Variants in SUGCT observed in about 807,000 individuals in gnomAD.
The protein encoded by SUGCT is succinyl-CoA:glutarate-CoA transferase, also known as succinyl-CoA:glutarate CoA-transferase.
Under a neutral mutation model 55.0 loss-of-function variants are expected in SUGCT, and 41 were observed. The ratio of observed to expected loss-of-function variants is 0.74; its 90% CI spans 0.58 to 0.97. The LOEUF (loss-of-function observed/expected upper bound fraction) is 0.97. Among genes scored for constraint, SUGCT ranks in the 50% least tolerant of loss-of-function variants. The probability of loss-of-function intolerance (pLI) is 0.00; values close to 1 mark genes in which losing one functional copy is unlikely to be tolerated. For synonymous variants in SUGCT, 187 were observed against 200.4 expected (o/e 0.93, Z 0.56); for missense variants, 568 against 547.8 (o/e 1.04, Z -0.37).
chr7:40,404,169 A>C (rs1786234688), intron 9 of SUGCT, among the ~76,000 whole-genome samples: 1 of 152,180 alleles, frequency 6.6e-6, no homozygotes, highest in Admixed American at 6.5e-5. Flanking sequence ...GGACCTCAGG[A>C]AACTCCACTT....
chr7:40,500,753 G>A (rs564102510), intron 12 of SUGCT, among the ~76,000 whole-genome samples: 1 of 152,030 alleles, frequency 6.6e-6, no homozygotes, highest in Admixed American at 6.6e-5. Flanking sequence ...GCACATTTTG[G>A]CAAAATATCT....
intron 10 of SUGCT, among the ~76,000 whole-genome samples, chr7:40,451,006 G>T (rs1035896547): frequency 6.6e-6 from 1 of 152,142 alleles, no homozygotes; most frequent in Non-Finnish European, 1.5e-5. Flanking sequence ...CTTTTAAATG[G>T]TGACTCTGAG....
chr7:40,910,644 A>AGATCTTTGCTGACCG, the SUGCT span, among the ~76,000 whole-genome samples: 2 of 152,134 alleles, frequency 1.3e-5, no homozygotes, highest in Admixed American at 6.5e-5. Flanking sequence ...TGACTTTGGA[A>AGATCTTTGCTGACCG]GATCCGGTCA....
chr7:40,341,333 G>C (rs2151177252), intron 9 of SUGCT, among the ~76,000 whole-genome samples: 1 of 152,310 alleles, frequency 6.6e-6, no homozygotes, highest in East Asian at 1.9e-4. Flanking sequence ...CTTTCAAGGA[G>C]TCAAAAAGTT....
chr7:40,207,376 G>T (rs191415696), intron 6 of SUGCT, among the ~76,000 whole-genome samples: 1 of 151,910 alleles, frequency 6.6e-6, no homozygotes, highest in South Asian at 2.1e-4. Flanking sequence ...CTACCATCTC[G>T]CCCCCATTAA....
At chr7:40,406,589 A>AT (rs1309099270) in intron 9 of SUGCT, among the ~76,000 whole-genome samples, 1 of 152,098 alleles carries the variant, frequency 6.6e-6, no homozygotes, top group Non-Finnish European at 1.5e-5. Flanking sequence ...CACTGTCATA[A>AT]TTTTTTCAAA....
intron 7 of SUGCT, among the ~76,000 whole-genome samples, chr7:40,238,293 A>T (rs1789141752): frequency 6.6e-6 from 1 of 152,126 alleles, no homozygotes; most frequent in South Asian, 2.1e-4. Context: ...TGAAATAATT[A>T]TTTGATTTTA....
At position 40,353,287 on chromosome 7, in the gene SUGCT, G is replaced by A. The variant is rs903132263; in HGVS notation, c.816+36432G>A. ...TCCCCAAAAGGATTAGTCTAAATAC[G>A]CAAAGGGTACTCATAGACCAGCAGC... On this transcript the variant is annotated intron_variant, in intron 9 of 13. Transcript: ENST00000335693. 8.5e-5 allele frequency among the ~76,000 whole-genome samples: 13 copies of A among 152,080 alleles called. No individual in the cohort carries two copies. The South Asian group carries it at 2.5e-3, about 29-fold the overall frequency.
At chr7:40,649,666 A>G (rs936660400) in intron 12 of SUGCT, among the ~76,000 whole-genome samples, 1 of 152,248 alleles carries the variant, frequency 6.6e-6, no homozygotes, top group African/African-American at 2.4e-5. Flanking sequence ...TCTGTGTAGT[A>G]CATAGAGACA....
chr7:40,923,622 T>TCTCCTCTAAGGAAAAA, the SUGCT span, among the ~76,000 whole-genome samples: 1 of 152,292 alleles, frequency 6.6e-6, no homozygotes, highest in Non-Finnish European at 1.5e-5. Flanking sequence ...AAGCACTGAC[T>TCTCCTCTAAGGAAAAA]GGTCAAGGTT....
chr7:40,703,846 A>G (rs1785272866), intron 12 of SUGCT, among the ~76,000 whole-genome samples: 1 of 152,216 alleles, frequency 6.6e-6, no homozygotes, highest in South Asian at 2.1e-4. Context: ...TAATAGCAAC[A>G]TGTGGTCCCC....
At chr7:40,759,726 A>G (rs1175767361) in intron 13 of SUGCT, among the ~76,000 whole-genome samples, 1 of 152,126 alleles carries the variant, frequency 6.6e-6, no homozygotes, top group Non-Finnish European at 1.5e-5. Flanking sequence ...AGATCAGTTG[A>G]CATTTATTTA....
At chr7:40,484,499 T>C (rs1378526646) in intron 11 of SUGCT, among the ~76,000 whole-genome samples, 6 of 152,102 alleles carry the variant, frequency 3.9e-5, no homozygotes, top group African/African-American at 1.4e-4. Flanking sequence ...TGGTCCTATA[T>C]CTTAGAGTTT....
intron 9 of SUGCT, among the ~76,000 whole-genome samples, chr7:40,385,115 G>T (rs977114736): frequency 6.6e-6 from 1 of 152,112 alleles, no homozygotes; most frequent in African/African-American, 2.4e-5. Flanking sequence ...AGTCTTATTC[G>T]TTCATATTTT....
intron 13 of SUGCT, among the ~76,000 whole-genome samples, chr7:40,817,714 G>A (rs1791750887): frequency 6.6e-6 from 1 of 152,160 alleles, no homozygotes; most frequent in Non-Finnish European, 1.5e-5. Flanking sequence ...AGAGTATATA[G>A]ACTGAACAAA....
intron 6 of SUGCT, among the ~76,000 whole-genome samples, chr7:40,223,470 T>C (rs1335342049): frequency 6.6e-6 from 1 of 152,208 alleles, no homozygotes; most frequent in Non-Finnish European, 1.5e-5. Flanking sequence ...TAGATGTGCT[T>C]ATAACTGCAA....
chr7:40,961,400 G>C, the SUGCT span, among the ~76,000 whole-genome samples: 4 of 152,138 alleles, frequency 2.6e-5, no homozygotes, highest in Admixed American at 1.3e-4. Context: ...AAAGACTCCA[G>C]ATAACAGAAC....
rs1027459629 is a variant in SUGCT at position 40,592,588 on chromosome 7, T to A, written c.1089+96202T>A. Among the ~76,000 whole-genome samples the A allele has an allele frequency of 3.2e-4, 48 of 152,152 alleles. 1 individual carries two copies. Among genetic ancestry groups the A allele is most frequent in the Admixed American group, 3.1e-3 (47 of 15,268 alleles). On this transcript the variant is annotated intron_variant, in intron 12 of 13. Transcript: ENST00000335693. ...TATGGAATGGAGGACTGTGTGATAT[T>A]TGGAGAATGTGTAGTAAACTTAGAA...
chr7:40,944,505 C>G, the SUGCT span, among the ~76,000 whole-genome samples: 1 of 151,848 alleles, frequency 6.6e-6, no homozygotes, highest in Non-Finnish European at 1.5e-5. Flanking sequence ...ATATGGCTAG[C>G]CAGTTTTCCC....
Sources: gnomAD v4.1 joint callset for allele counts (sites outside exome capture counted in the v4.1 genomes callset) on GRCh38, gnomAD v4.1.1 for gene constraint, MANE v1.5 for transcripts, NCBI Gene and HGNC (gene_info 2026-07-23, HGNC 2026-07-21) for gene names.